The following DYNC1I2 variants were observed in gnomAD, a reference collection of about 807,000 sequenced individuals.
The protein encoded by DYNC1I2 is cytoplasmic dynein 1 intermediate chain 2.
A neutral mutation model predicts 88.6 loss-of-function variants in DYNC1I2; 53 were observed. That is an observed-to-expected ratio of 0.60 (90% CI 0.48 to 0.75). DYNC1I2 has a LOEUF of 0.75. Among genes scored for constraint, DYNC1I2 ranks in the 30% least tolerant of loss-of-function variants. The pLI, the probability that DYNC1I2 is intolerant of heterozygous loss-of-function variation, is 0.00. For synonymous variants in DYNC1I2, 198 were observed against 254.6 expected, an observed-to-expected ratio of 0.78 and a Z score of 2.12; for missense variants, 458 against 766.6, an observed-to-expected ratio of 0.60 and a Z score of 4.75.
At chr2:171,722,311 C>G (rs1003300347) in intron 7 of DYNC1I2, among the ~76,000 whole-genome samples, 2 of 152,078 alleles carry the variant, frequency 1.3e-5, no homozygotes, top group African/African-American at 4.8e-5. Flanking sequence ...GTTCATTAAA[C>G]CTAGTTTTAG....
Position 171,728,368 on chromosome 2 carries a change from A to G in DYNC1I2, c.1207A>G (p.Thr403Ala), listed in dbSNP as rs1204029439. ...QNAHNLISIS[T>A]DGKICSWSLD... is the part of the protein sequence containing the mutation. ...TGCTCACAATCTGATTAGCATCTCT[A>G]CTGATGGAAAAATTTGTTCATGGAG... Residue 403 changes from threonine to alanine, a missense_variant, in exon 13 of 18, where the codon ACT becomes GCT. By Grantham distance (58) the Thr-to-Ala change is moderately conservative. Around this residue, in one of 5 missense-constraint regions of DYNC1I2, gnomAD observed 188 missense variants for 300.4 expected, o/e 0.63. Transcript: ENST00000397119. 6.2e-7 allele frequency: 1 copy of G among 1,607,776 alleles called. No homozygotes were observed. The highest frequency in any genetic ancestry group is 8.5e-7 in the Non-Finnish European group (1 of 1,177,690).
intron 3 of DYNC1I2, among the ~76,000 whole-genome samples, chr2:171,697,351 C>T (rs187988896): frequency 6.6e-6 from 1 of 152,166 alleles, no homozygotes; most frequent in African/African-American, 2.4e-5. Flanking sequence ...ATATTCTCCA[C>T]ACACATACTA....
intron 1 of DYNC1I2, chr2:171,688,035 A>G (rs1182278019): frequency 6.6e-6 from 1 of 152,218 alleles, no homozygotes; most frequent in Admixed American, 6.5e-5. Flanking sequence ...CGGCGAGAGG[A>G]GTCCACTCCT....
At chr2:171,738,516 T>A (rs765859012) in intron 15 of DYNC1I2, among the ~76,000 whole-genome samples, 4 of 152,226 alleles carry the variant, frequency 2.6e-5, no homozygotes, top group Non-Finnish European at 5.9e-5. Flanking sequence ...GGTATTTGCA[T>A]TAATTCCAGT....
At chr2:171,742,297 A>G (rs971645368) in intron 15 of DYNC1I2, among the ~76,000 whole-genome samples, 1 of 151,854 alleles carries the variant, frequency 6.6e-6, no homozygotes, top group Non-Finnish European at 1.5e-5. Context: ...CTCAGCCCCC[A>G]GGGTGGCTGA....
At chr2:171,692,555 C>T (rs1685475326) in intron 2 of DYNC1I2, among the ~76,000 whole-genome samples, 1 of 152,006 alleles carries the variant, frequency 6.6e-6, no homozygotes, top group Admixed American at 6.5e-5. Context: ...TCCTTGATTA[C>T]ATATGAAGAT....
chr2:171,693,505 A>G (rs1685540321), intron 3 of DYNC1I2, among the ~76,000 whole-genome samples: 2 of 152,236 alleles, frequency 1.3e-5, no homozygotes, highest in South Asian at 4.1e-4. Flanking sequence ...TCAGGAACAA[A>G]TGCTTACTTA....
chr2:171,694,597 T>C (rs1685625990), intron 3 of DYNC1I2, among the ~76,000 whole-genome samples: 1 of 151,894 alleles, frequency 6.6e-6, no homozygotes, highest in African/African-American at 2.4e-5. Flanking sequence ...GCAGAGGTTG[T>C]GGTGAGCTGA....
At chr2:171,730,486 A>G (rs865964037) in intron 15 of DYNC1I2, among the ~76,000 whole-genome samples, 2 of 152,242 alleles carry the variant, frequency 1.3e-5, no homozygotes, top group Admixed American at 6.5e-5. Flanking sequence ...TCCTCCAGCA[A>G]TTCCAGATAA....
chr2:171,727,667 C>T, intron 11 of DYNC1I2, among the ~76,000 whole-genome samples, 154 bp from the exon 12 acceptor site: 1 of 152,186 alleles, frequency 6.6e-6, no homozygotes, highest in Non-Finnish European at 1.5e-5. Context: ...ATTTCTGAAA[C>T]AGTGAAAACT....
At chr2:171,741,266 G>A (rs1299371728) in intron 15 of DYNC1I2, among the ~76,000 whole-genome samples, 8 of 152,150 alleles carry the variant, frequency 5.3e-5, no homozygotes, top group Admixed American at 5.2e-4. Context: ...TGCTGTGAAT[G>A]TGCAAGTTTT....
intron 7 of DYNC1I2, among the ~76,000 whole-genome samples, chr2:171,719,467 CTT>C (rs1687757299): frequency 6.6e-6 from 1 of 152,288 alleles, no homozygotes; most frequent in East Asian, 1.9e-4. Flanking sequence ...GGTTCTCAAA[CTT>C]TGCCTGGTTG....
At chr2:171,698,868 C>CAAAAG (rs1215276825) in intron 3 of DYNC1I2, among the ~76,000 whole-genome samples, 5 of 151,580 alleles carry the variant, frequency 3.3e-5, no homozygotes, top group African/African-American at 7.3e-5. Context: ...GACTCTGTCT[C>CAAAAG]AAAAGAAAAG....
At chr2:171,739,233 G>T (rs981331437) in intron 15 of DYNC1I2, among the ~76,000 whole-genome samples, 1 of 151,974 alleles carries the variant, frequency 6.6e-6, no homozygotes, top group African/African-American at 2.4e-5. Flanking sequence ...TTAGTTTTAA[G>T]TTTTATTAAA....
intron 15 of DYNC1I2, among the ~76,000 whole-genome samples, chr2:171,736,588 C>G (rs1037520579): frequency 6.6e-6 from 1 of 152,130 alleles, no homozygotes; most frequent in East Asian, 1.9e-4. Context: ...TTCATTCTAG[C>G]CTTGCCATGG....
chr2:171,707,165 TTTGGTTTGCCATTG>T, intron 4 of DYNC1I2, 108 bp from the exon 5 acceptor site: 1 of 1,434,690 alleles, frequency 7.0e-7, no homozygotes, highest in Non-Finnish European at 9.6e-7. Context: ...ATTTTTGATT[TTTGGTTTGCCATTG>T]TTTTTTTCTT....
At chr2:171,728,073 G>A in intron 12 of DYNC1I2, 106 bp downstream of exon 12, 3 of 1,328,102 alleles carry the variant, frequency 2.3e-6, no homozygotes, top group Non-Finnish European at 3.0e-6. Flanking sequence ...TTCCTTTGGT[G>A]TATGAATTCC....
At chr2:171,725,237 C>T (rs992225157) in intron 7 of DYNC1I2, among the ~76,000 whole-genome samples, 1 of 152,190 alleles carries the variant, frequency 6.6e-6, no homozygotes, top group Non-Finnish European at 1.5e-5. Flanking sequence ...CTATATAAAA[C>T]TATGCAGGAG....
At chr2:171,742,328 A>G (rs570669488) in intron 15 of DYNC1I2, among the ~76,000 whole-genome samples, 84 of 152,124 alleles carry the variant, frequency 5.5e-4, no homozygotes, top group African/African-American at 2.0e-3. Flanking sequence ...GCATGCCACC[A>G]TGCTCAGCTA....
Sources: gnomAD v4.1 joint callset for allele counts (sites outside exome capture counted in the v4.1 genomes callset) on GRCh38, gnomAD v4.1.1 for gene constraint, gnomAD v4.1.1 regional missense constraint, MANE v1.5 for transcripts, NCBI Gene and HGNC (gene_info 2026-07-23, HGNC 2026-07-21) for gene names.